Variants in RACGAP1 observed in about 807,000 individuals in gnomAD.
The protein encoded by RACGAP1 is Rac GTPase activating protein 1, also known as rac GTPase-activating protein 1.
Under a neutral mutation model 78.1 loss-of-function variants are expected in RACGAP1, and 30 were observed. The observed-to-expected ratio is 0.38, with a 90% CI of 0.29 to 0.52. The LOEUF is 0.52. Among genes scored for constraint, RACGAP1 ranks in the 20% least tolerant of loss-of-function variants. The pLI is 0.82. For synonymous variants in RACGAP1, 231 were observed against 264.8 expected (o/e 0.87, Z 1.24); for missense variants, 587 against 777.1 (o/e 0.76, Z 2.91).
chr12:50,030,414 G>A (rs1009419442), upstream of RACGAP1, among the ~76,000 whole-genome samples: 3 of 151,578 alleles, frequency 2.0e-5, no homozygotes, highest in African/African-American at 7.3e-5. Context: ...CTGAGAGCAC[G>A]TGGTAGCTCA....
At chr12:50,006,883 T>C (rs1265906714) in intron 2 of RACGAP1, among the ~76,000 whole-genome samples, 1 of 152,194 alleles carries the variant, frequency 6.6e-6, no homozygotes, top group African/African-American at 2.4e-5. Context: ...GCATCTGCTA[T>C]GGAATATGTA....
At chr12:49,994,596 T>C in intron 10 of RACGAP1, 87 bp from the exon 11 acceptor site, 1 of 1,506,398 alleles carries the variant, frequency 6.6e-7, no homozygotes, top group East Asian at 2.4e-5. Flanking sequence ...CCTCCAATCT[T>C]ATTCTCAAAC....
intron 2 of RACGAP1, among the ~76,000 whole-genome samples, chr12:50,010,049 C>T (rs1949215344): frequency 6.6e-6 from 1 of 152,206 alleles, no homozygotes; most frequent in Admixed American, 6.5e-5. Flanking sequence ...TTCATTATTT[C>T]CTACTATGCA....
intron 2 of RACGAP1, among the ~76,000 whole-genome samples, chr12:50,012,541 A>G (rs1302280560): frequency 6.6e-6 from 1 of 152,060 alleles, no homozygotes; most frequent in African/African-American, 2.4e-5. Flanking sequence ...AGCCTGGGTA[A>G]GAAGAGTGAA....
intron 1 of RACGAP1, chr12:50,021,020 A>G (rs1201604102): frequency 2.9e-6 from 2 of 689,032 alleles, no homozygotes; most frequent in Non-Finnish European, 3.6e-6. Context: ...TAACTCTGAT[A>G]TCTCAGCCAA....
At chr12:50,008,501 C>T (rs1422932360) in intron 2 of RACGAP1, among the ~76,000 whole-genome samples, 7 of 150,820 alleles carry the variant, frequency 4.6e-5, no homozygotes, top group Non-Finnish European at 7.4e-5. Flanking sequence ...GCCCAGCCTA[C>T]TTTTCACTTT....
chr12:50,032,536 AG>A (rs1195717999), intron 1 of RACGAP1, among the ~76,000 whole-genome samples: 4 of 147,034 alleles, frequency 2.7e-5, no homozygotes, highest in Non-Finnish European at 3.0e-5. Context: ...GGAAAAGGTG[AG>A]TGTGTGTGTG....
intron 4 of RACGAP1, among the ~76,000 whole-genome samples, chr12:50,004,760 A>G (rs1166110355): frequency 6.6e-6 from 1 of 152,140 alleles, no homozygotes; most frequent in African/African-American, 2.4e-5. Context: ...CAACCAGGCA[A>G]CAAAATAAAT....
chr12:50,000,880 T>C (rs1430542099), intron 7 of RACGAP1, among the ~76,000 whole-genome samples: 2 of 151,922 alleles, frequency 1.3e-5, no homozygotes, highest in African/African-American at 2.4e-5. Context: ...AAACCCTGTC[T>C]CTACTAAAAA....
chr12:50,024,660 T>A (rs12320406), intron 1 of RACGAP1, among the ~76,000 whole-genome samples: 9,540 of 151,978 alleles, frequency 0.063, 969 homozygotes, highest in African/African-American at 0.21. Context: ...TATACAAAAA[T>A]TTTTTTAAGT....
At chr12:50,029,386 AAAACAAAC>A (rs139765536), upstream of RACGAP1, among the ~76,000 whole-genome samples, 12 of 150,882 alleles carry the variant, frequency 8.0e-5, no homozygotes, top group East Asian at 1.9e-4. Flanking sequence ...CTCCATCTCA[AAAACAAAC>A]AAACAAACAA....
chr12:49,997,097 GTCCCGACATTC>G lies in RACGAP1; in HGVS notation c.976_986del (p.Glu326ProfsTer43). On this transcript the variant is annotated frameshift_variant, in exon 10 of 17. Coordinates refer to ENST00000312377, the MANE Select transcript of RACGAP1 (RefSeq NM_001319999.2). LOFTEE classifies it high-confidence loss of function. ...TAGGAATGCAGGGAAGGGGACAGCG[GTCCCGACATTC>G]TGGATGAGAGACCACACGACAGTCT... 6.2e-7 allele frequency: 1 copy of G among 1,607,776 alleles called. No homozygotes were observed. The highest frequency in any genetic ancestry group is 8.5e-7 in the Non-Finnish European group (1 of 1,175,192).
chr12:49,992,498 C>G, intron 13 of RACGAP1, 52 bp downstream of exon 13: 1 of 1,588,796 alleles, frequency 6.3e-7, no homozygotes, highest in Non-Finnish European at 8.6e-7. Context: ...ACATTATCTT[C>G]CCCTTGGAAA....
chr12:50,031,732 G>A (rs1027832663), exon 2 of RACGAP1: 1 of 985,312 alleles, frequency 1.0e-6, no homozygotes. Context: ...CTGATGCCTG[G>A]GTCCGTGCCT....
At chr12:49,992,401 G>T (rs1223641227) in intron 13 of RACGAP1, 24 bp from the exon 14 acceptor site, 2 of 1,610,728 alleles carry the variant, frequency 1.2e-6, no homozygotes, top group Non-Finnish European at 1.7e-6. Context: ...TATTAAATTA[G>T]AAGTCTTGCT....
rs1948487791 is a variant in RACGAP1, at chr12:49,999,065, G to A, written c.879+76C>T. ...TGACATTTAACTTTATAACACTAAAGTATTTAACTTTATTCCTGGTATTTA... is the reference window on the plus strand; with the variant it reads ...TGACATTTAACTTTATAACACTAAAATATTTAACTTTATTCCTGGTATTTA... On this transcript the variant is annotated intron_variant, in intron 9 of 16. Coordinates refer to ENST00000312377, the MANE Select transcript of RACGAP1 (RefSeq NM_001319999.2). The A allele has an allele frequency of 2.7e-6, 4 of 1,470,210 alleles. No individual in the cohort carries two copies. In the African/African-American group the frequency reaches 4.3e-5, roughly 16 times the overall value. 91.1% of individuals were successfully genotyped at this position (1,470,210 alleles called of 1,614,324 possible).
intron 5 of RACGAP1, among the ~76,000 whole-genome samples, chr12:50,003,010 T>TGA (rs1211642135): frequency 1.5e-5 from 2 of 130,540 alleles, no homozygotes; most frequent in East Asian, 4.3e-4. Flanking sequence ...GGTGACAGAG[T>TGA]GAGACTCTGT....
rs602772 is a variant in RACGAP1, at chr12:50,005,130, A to G, written c.425+126T>C. The stretch of plus-strand genomic sequence containing the variant: ...CCTTTATTCCCCACCTACTCTCCCC[A>G]CAAAATCTTTTTCTGCTTTTTTCAG... On this transcript the variant is annotated intron_variant, in intron 4 of 16. Coordinates refer to ENST00000312377, the MANE Select transcript of RACGAP1 (RefSeq NM_001319999.2). 0.99 allele frequency: 1,406,200 copies of G among 1,423,538 alleles called. 695,650 individuals are homozygous for G. The highest frequency in any genetic ancestry group is 1 in the East Asian group (43,000 of 43,030). 88.2% of individuals were successfully genotyped at this position (1,423,538 alleles called of 1,614,324 possible). A position where few individuals can be genotyped will look rare whatever the true frequency, so the allele number is the denominator to read the frequency against.
Position 49,994,346 on chromosome 12 carries a change from A to C in RACGAP1, c.1141-17T>G. 1 of 1,612,754 alleles carries C rather than the reference A, an allele frequency of 6.2e-7. No homozygotes were observed. The highest frequency in any genetic ancestry group is 8.5e-7 in the Non-Finnish European group (1 of 1,179,606). On this transcript the variant is annotated splice_polypyrimidine_tract_variant and intron_variant, in intron 11 of 16. Transcript: ENST00000312377. ...CAGGCCTGTCTATTATCAAGATGAC[A>C]TTTTTATTTAAAAACCTCCGAATTA...
Sources: allele counts gnomAD v4.1 joint callset (sites outside exome capture counted in the v4.1 genomes callset), GRCh38; gene constraint gnomAD v4.1.1; transcripts MANE v1.5; gene names NCBI Gene and HGNC (gene_info 2026-07-23, HGNC 2026-07-21).